Variants in DSCAML1 observed in about 807,000 individuals in gnomAD.
The protein encoded by DSCAML1 is cell adhesion molecule DSCAML1.
In DSCAML1, 38 loss-of-function variants were observed where a neutral mutation model predicts 200.5. That is an observed-to-expected ratio of 0.19 (90% CI 0.15 to 0.25). The LOEUF is 0.25. Ranked by LOEUF, DSCAML1 falls within the 10% of genes least tolerant of loss-of-function variation. The pLI, the probability that DSCAML1 is intolerant of heterozygous loss-of-function variation, is 1.00. For missense variants in DSCAML1, 2,223 were observed against 2,858.8 expected (o/e 0.78, Z 5.07); for synonymous variants, 1,215 against 1,165.0 (o/e 1.04, Z -0.87).
chr11:117,680,521 G>A lies in DSCAML1; in HGVS notation c.511+96270C>T, dbSNP rs576269231. ...GCTCTCCAAAGGAAGGCATGGAGGTGCAGCTCCAGGGCTGGGAGGGACTTC... is the reference window on the plus strand; with the variant it reads ...GCTCTCCAAAGGAAGGCATGGAGGTACAGCTCCAGGGCTGGGAGGGACTTC... On this transcript the variant is annotated intron_variant, in intron 3 of 32. Coordinates refer to ENST00000651296, the MANE Select transcript of DSCAML1 (RefSeq NM_020693.4). 4.6e-5 allele frequency among the ~76,000 whole-genome samples: 7 copies of A among 152,352 alleles called. No individual in the cohort carries two copies. The South Asian group carries it at 1.0e-3, about 23-fold the overall frequency.
intron 3 of DSCAML1, among the ~76,000 whole-genome samples, chr11:117,762,866 T>G (rs2054828060): frequency 1.3e-5 from 1 of 75,888 alleles, no homozygotes; most frequent in African/African-American, 3.5e-5. Context: ...CTGTCTCAAA[T>G]AGTAATAATA....
At position 117,505,129 on chromosome 11, in the gene DSCAML1, A is replaced by G; in HGVS notation, c.2063-86T>C. 6.5e-7 allele frequency: 1 copy of G among 1,529,778 alleles called. No homozygotes were observed. Among genetic ancestry groups the G allele is most frequent in the Non-Finnish European group, 8.8e-7 (1 of 1,134,594 alleles). 94.8% of individuals were successfully genotyped at this position (1,529,778 alleles called of 1,614,324 possible). On this transcript the variant is annotated intron_variant, in intron 9 of 32. Transcript: ENST00000651296. This position sits in a 1 kb window ranked among gnomAD's most constrained non-coding sequence, Gnocchi z 6.7. ...CTTCGAGCACCTTCTGTTTGAGGTC[A>G]GCCCTGCCCGGGCCATTATAAAGTT...
chr11:117,603,452 C>T (rs959989412), intron 3 of DSCAML1, among the ~76,000 whole-genome samples: 15 of 152,194 alleles, frequency 9.9e-5, no homozygotes, highest in Non-Finnish European at 2.1e-4. Context: ...AAGTTAACCT[C>T]TCTAGGCCTC....
intron 3 of DSCAML1, among the ~76,000 whole-genome samples, chr11:117,618,710 T>C (rs1444305707): frequency 1.3e-5 from 2 of 151,896 alleles, no homozygotes; most frequent in Non-Finnish European, 2.9e-5. Context: ...AATAGATGCT[T>C]CTATTTGAGC....
intron 3 of DSCAML1, among the ~76,000 whole-genome samples, chr11:117,740,266 G>C (rs1219876485): frequency 6.6e-6 from 1 of 152,222 alleles, no homozygotes; most frequent in African/African-American, 2.4e-5. Context: ...AACAGGCTTA[G>C]AGAGGATGCA....
At position 117,428,513 on chromosome 11, in the gene DSCAML1, C is replaced by T; in HGVS notation, c.5977G>A (p.Ala1993Thr). The T allele has an allele frequency of 6.9e-7, 1 of 1,451,016 alleles. No individual in the cohort carries two copies. The highest frequency in any genetic ancestry group is 9.3e-7 in the Non-Finnish European group (1 of 1,073,956). 89.9% of individuals were successfully genotyped at this position (1,451,016 alleles called of 1,614,324 possible). The change falls in exon 33 of 33, where the codon GCT becomes ACT. Residue 1993 changes from alanine to threonine, a missense_variant. Transcript: ENST00000651296. The stretch of plus-strand genomic sequence containing the variant: ...GCGCTGGGGGCGGTGGGTGGCTCAG[C>T]AGGGGTGGGGCCGGGGGCTGGGGGG... ...TAPPAPGPTP[A>T]EPPTAPSAAP...
chr11:117,473,906 T>C (rs896538226), intron 14 of DSCAML1, among the ~76,000 whole-genome samples: 7 of 152,062 alleles, frequency 4.6e-5, no homozygotes, highest in African/African-American at 7.2e-5. Context: ...AGGCTAGTCA[T>C]GTGGAGGCAG....
Position 117,480,569 on chromosome 11 carries a change from G to A in DSCAML1, c.2659C>T (p.Pro887Ser), listed in dbSNP as rs780768123. 2 of 1,557,790 alleles carry A rather than the reference G, an allele frequency of 1.3e-6. No homozygotes were observed. The highest frequency in any genetic ancestry group is 1.2e-5 in the South Asian group (1 of 84,648). ...RGLIQLTVQEPPDPPELEIRE... is the reference protein window; with the variant it reads ...RGLIQLTVQESPDPPELEIRE... ...ATCTCCAGCTCTGGGGGGTCGGGGG[G>A]CTCTAGGGTGCGGCAGTGGAGGGGA... Residue 887 changes from proline (P) to serine (S), a missense_variant and splice_region_variant, in exon 14 of 33, where the codon CCC becomes TCC. Pro to Ser is a moderately conservative substitution (Grantham distance 74). Transcript: ENST00000651296. This position sits in a 1 kb window ranked among gnomAD's most constrained non-coding sequence, Gnocchi z 4.1.
At chr11:117,783,668 T>C (rs1011130866) in intron 1 of DSCAML1, among the ~76,000 whole-genome samples, 3 of 152,202 alleles carry the variant, frequency 2.0e-5, no homozygotes, top group Admixed American at 6.5e-5. Flanking sequence ...CCCAAAGTGA[T>C]ACAATGTGCA....
At chr11:117,433,610 A>C in intron 27 of DSCAML1, 139 bp from the exon 28 acceptor site, 1 of 875,864 alleles carries the variant, frequency 1.1e-6, no homozygotes, top group Non-Finnish European at 1.7e-6. Context: ...AGAAGGAGAA[A>C]TGTAAGGACC....
In DSCAML1 at chr11:117,458,997, C is replaced by T. The variant is rs537969584; in HGVS notation, c.3413-88G>A. 2.4e-5 allele frequency: 36 copies of T among 1,511,618 alleles called. No homozygotes were observed. In the South Asian group the frequency reaches 3.7e-4, roughly 16 times the overall value. The allele number at this position is 1,511,618 out of a possible 1,614,324, so 93.6% of individuals were successfully genotyped here. A position where few individuals can be genotyped will look rare whatever the true frequency, so the allele number is the denominator to read the frequency against. ...CCTGCTGCCTGGGCTCTGCCCACAC[C>T]TACTGCACAGGCTCAGCCCTCGACT... On this transcript the variant is annotated intron_variant, in intron 18 of 32. Transcript: ENST00000651296.
chr11:117,443,481 G>A (rs912014977), intron 21 of DSCAML1, among the ~76,000 whole-genome samples: 12 of 152,240 alleles, frequency 7.9e-5, no homozygotes, highest in African/African-American at 2.7e-4. Context: ...AGTTCAGCAC[G>A]GGGGCTCTCC....
At position 117,504,119 on chromosome 11, in the gene DSCAML1, G is replaced by A. The variant is rs2049447615; in HGVS notation, c.2183-98C>T. 1.4e-6 allele frequency: 2 copies of A among 1,413,298 alleles called. No individual in the cohort carries two copies. The highest frequency in any genetic ancestry group is 1.4e-5 in the African/African-American group (1 of 70,682). 87.5% of individuals were successfully genotyped at this position (1,413,298 alleles called of 1,614,324 possible). ...CTGACACCTCGCTCTTGCAGATCTAGGGCCATTTTGTAGCAGAGCTGCACC... is the reference window on the plus strand; with the variant it reads ...CTGACACCTCGCTCTTGCAGATCTAAGGCCATTTTGTAGCAGAGCTGCACC... On this transcript the variant is annotated intron_variant, in intron 10 of 32. Coordinates refer to ENST00000651296, the MANE Select transcript of DSCAML1 (RefSeq NM_020693.4). The surrounding 1 kb of genome is among the most constrained non-coding windows in gnomAD (Gnocchi z 5.0).
intron 3 of DSCAML1, among the ~76,000 whole-genome samples, chr11:117,599,412 T>C (rs1468804351): frequency 6.6e-6 from 1 of 152,198 alleles, no homozygotes; most frequent in East Asian, 1.9e-4. Flanking sequence ...CTCATAGCAT[T>C]ATGGAATAGA....
At chr11:117,590,249 T>C (rs1367523829) in intron 3 of DSCAML1, among the ~76,000 whole-genome samples, 1 of 152,008 alleles carries the variant, frequency 6.6e-6, no homozygotes, top group East Asian at 1.9e-4. Context: ...AATGCAGTGG[T>C]GTGATCAAGA....
At chr11:117,465,719 A>G (rs1302807701) in intron 16 of DSCAML1, among the ~76,000 whole-genome samples, 2 of 151,272 alleles carry the variant, frequency 1.3e-5, no homozygotes, top group Non-Finnish European at 2.9e-5. Context: ...GGTGCCTGGC[A>G]TACTATGGGC....
intron 3 of DSCAML1, among the ~76,000 whole-genome samples, chr11:117,725,001 C>T (rs2054100263): frequency 6.6e-6 from 1 of 152,132 alleles, no homozygotes; most frequent in South Asian, 2.1e-4. Context: ...CTGGACACCC[C>T]CAAAGGCTAG....
At chr11:117,769,569 A>ATT (rs1471540728) in intron 3 of DSCAML1, among the ~76,000 whole-genome samples, 1 of 66,108 alleles carries the variant, frequency 1.5e-5, no homozygotes, top group African/African-American at 4.4e-5. Context: ...TTTTATATAT[A>ATT]TTATATATTT....
Position 117,516,458 on chromosome 11 carries a change from G to A in DSCAML1, c.1783+9C>T. The A allele has an allele frequency of 1.2e-6, 2 of 1,607,966 alleles. No homozygotes were observed. Among genetic ancestry groups the A allele is most frequent in the Non-Finnish European group, 8.5e-7 (1 of 1,175,922 alleles). ...CGGGCAGGGGCCCTGGCTGGTGAGG[G>A]AGGCCTACCTTTGACGGCTACGTGA... On this transcript the variant is annotated intron_variant, in intron 8 of 32. Coordinates refer to ENST00000651296, the MANE Select transcript of DSCAML1 (RefSeq NM_020693.4). This position sits in a 1 kb window ranked among gnomAD's most constrained non-coding sequence, Gnocchi z 5.7.
Sources: gnomAD v4.1 joint callset for allele counts (sites outside exome capture counted in the v4.1 genomes callset) on GRCh38, gnomAD v4.1.1 for gene constraint, Gnocchi (gnomAD v3.1) non-coding constraint, MANE v1.5 for transcripts, NCBI Gene and HGNC (gene_info 2026-07-23, HGNC 2026-07-21) for gene names.